Variants in FAM13A observed in about 807,000 individuals in gnomAD.
FAM13A encodes the protein protein FAM13A.
Under a neutral mutation model 129.6 loss-of-function variants are expected in FAM13A, and 76 were observed. The observed-to-expected ratio is 0.59, with a 90% CI of 0.49 to 0.71. FAM13A has a LOEUF of 0.71. FAM13A is among the 30% of genes least tolerant of loss of function. The pLI is 0.00. For missense variants in FAM13A, 1,108 were observed against 1,249.3 expected, an observed-to-expected ratio of 0.89 and a Z score of 1.70; for synonymous variants, 443 against 449.9, an observed-to-expected ratio of 0.98 and a Z score of 0.20.
At chr4:88,788,320 A>G (rs919051510) in intron 9 of FAM13A, among the ~76,000 whole-genome samples, 2 of 152,166 alleles carry the variant, frequency 1.3e-5, no homozygotes, top group African/African-American at 2.4e-5. Context: ...TTTCATACCA[A>G]TTCTACAGAG....
intron 4 of FAM13A, among the ~76,000 whole-genome samples, chr4:88,974,279 T>A (rs567821354): frequency 6.6e-6 from 1 of 152,222 alleles, no homozygotes; most frequent in East Asian, 1.9e-4. Context: ...CTGGGGCAAA[T>A]AGTGATTCTC....
intron 11 of FAM13A, 93 bp downstream of exon 11, chr4:88,781,072 A>C: frequency 1.2e-6 from 1 of 851,358 alleles, no homozygotes. Flanking sequence ...CTCAAAACTG[A>C]AAGACTGAAA....
At chr4:88,955,516 C>T (rs144072284) in intron 4 of FAM13A, among the ~76,000 whole-genome samples, 1 of 152,114 alleles carries the variant, frequency 6.6e-6, no homozygotes, top group East Asian at 1.9e-4. Flanking sequence ...TGTAAAGATA[C>T]CCAAAAAATG....
At chr4:89,006,858 T>A (rs1393348159) in intron 3 of FAM13A, among the ~76,000 whole-genome samples, 1 of 152,154 alleles carries the variant, frequency 6.6e-6, no homozygotes, top group African/African-American at 2.4e-5. Context: ...CCAGCTGGGC[T>A]CCCTTCTGAA....
At chr4:88,979,437 T>C (rs895947777) in intron 4 of FAM13A, among the ~76,000 whole-genome samples, 1 of 152,222 alleles carries the variant, frequency 6.6e-6, no homozygotes, top group Non-Finnish European at 1.5e-5. Context: ...GATTAAGAGC[T>C]TGGAGCTGAG....
intron 1 of FAM13A, among the ~76,000 whole-genome samples, chr4:89,056,246 A>G (rs932638950): frequency 6.6e-6 from 1 of 152,190 alleles, no homozygotes; most frequent in Non-Finnish European, 1.5e-5. Flanking sequence ...ATAATTGACA[A>G]TTTTTGATTA....
chr4:88,830,607 C>T (rs867336467), intron 7 of FAM13A, among the ~76,000 whole-genome samples: 27 of 152,100 alleles, frequency 1.8e-4, no homozygotes, highest in African/African-American at 6.3e-4. Context: ...CCAAAGATGC[C>T]CCTCTTTAAT....
chr4:88,755,950 C>T (rs1036854968), intron 14 of FAM13A, among the ~76,000 whole-genome samples: 1 of 152,194 alleles, frequency 6.6e-6, no homozygotes, highest in South Asian at 2.1e-4. Context: ...CCACCATGCC[C>T]GGCTTAAAAT....
intron 7 of FAM13A, among the ~76,000 whole-genome samples, chr4:88,834,210 CA>C (rs200267316): frequency 0.022 from 2,913 of 132,072 alleles, 75 homozygotes; most frequent in African/African-American, 0.061. Context: ...CCATGCCTGG[CA>C]AAAAAAAAAA....
At chr4:88,990,913 G>T in intron 4 of FAM13A, 60 bp downstream of exon 4, 1 of 1,282,874 alleles carries the variant, frequency 7.8e-7, no homozygotes, top group Non-Finnish European at 1.1e-6. Flanking sequence ...AGTAATTTCA[G>T]ACAGTAGTAA....
At chr4:88,912,382 C>T (rs1749209121) in intron 5 of FAM13A, among the ~76,000 whole-genome samples, 1 of 152,094 alleles carries the variant, frequency 6.6e-6, no homozygotes, top group Admixed American at 6.6e-5. Flanking sequence ...GGTTCTGCAG[C>T]CTTTGGACTT....
intron 8 of FAM13A, among the ~76,000 whole-genome samples, chr4:88,798,053 G>A (rs1042613532): frequency 6.6e-6 from 1 of 152,170 alleles, no homozygotes; most frequent in African/African-American, 2.4e-5. Context: ...ACCTGGGAAG[G>A]TAGATTGTTC....
chr4:88,833,261 T>C (rs1734218658), intron 7 of FAM13A, among the ~76,000 whole-genome samples: 2 of 152,054 alleles, frequency 1.3e-5, no homozygotes, highest in South Asian at 4.2e-4. Flanking sequence ...AAACAGCTAA[T>C]GCACACGGGG....
chr4:88,944,169 T>G (rs546468814), intron 4 of FAM13A, among the ~76,000 whole-genome samples: 1 of 152,122 alleles, frequency 6.6e-6, no homozygotes, highest in East Asian at 1.9e-4. Context: ...TTGAGATCAT[T>G]CTGGGCGACA....
At chr4:88,902,508 AC>A (rs1747451639) in intron 6 of FAM13A, among the ~76,000 whole-genome samples, 1 of 151,962 alleles carries the variant, frequency 6.6e-6, no homozygotes, top group South Asian at 2.1e-4. Context: ...GAAAAAAAAA[AC>A]ACTTGATTAT....
At chr4:89,007,409 C>T (rs959314515) in intron 3 of FAM13A, among the ~76,000 whole-genome samples, 2 of 152,146 alleles carry the variant, frequency 1.3e-5, no homozygotes, top group African/African-American at 4.8e-5. Flanking sequence ...GGCCTGTCAC[C>T]AAGACCGAGC....
chr4:88,811,014 T>C (rs1319475345), intron 7 of FAM13A, among the ~76,000 whole-genome samples: 1 of 152,092 alleles, frequency 6.6e-6, no homozygotes, highest in African/African-American at 2.4e-5. Flanking sequence ...CACATCTCCC[T>C]TGCTTGCTAT....
At chr4:89,013,319 T>C (rs534435993) in intron 3 of FAM13A, among the ~76,000 whole-genome samples, 2 of 141,080 alleles carry the variant, frequency 1.4e-5, no homozygotes, top group East Asian at 4.4e-4. Context: ...TATATACATA[T>C]AACACAGTAT....
chr4:89,054,995 C>T (rs1772042803), intron 1 of FAM13A, among the ~76,000 whole-genome samples: 1 of 152,168 alleles, frequency 6.6e-6, no homozygotes, highest in Non-Finnish European at 1.5e-5. Context: ...GCTTCAACCA[C>T]CTGGCCCTTC....
Sources: gnomAD v4.1 joint callset for allele counts (sites outside exome capture counted in the v4.1 genomes callset) on GRCh38, gnomAD v4.1.1 for gene constraint, MANE v1.5 for transcripts, NCBI Gene and HGNC (gene_info 2026-07-23, HGNC 2026-07-21) for gene names.